Variants in CNKSR3 observed in about 807,000 individuals in gnomAD.
The protein encoded by CNKSR3 is connector enhancer of kinase suppressor of ras 3.
CNKSR3 carries 36 observed loss-of-function variants against 67.7 expected under a neutral mutation model. The ratio of observed to expected loss-of-function variants is 0.53; its 90% CI spans 0.41 to 0.70. CNKSR3 has a LOEUF of 0.70. CNKSR3 is among the 30% of genes least tolerant of loss of function. The pLI, the probability that CNKSR3 is intolerant of heterozygous loss-of-function variation, is 0.00. For synonymous variants in CNKSR3, 281 were observed against 271.4 expected, an observed-to-expected ratio of 1.04 and a Z score of -0.35; for missense variants, 630 against 695.2, an observed-to-expected ratio of 0.91 and a Z score of 1.05.
At chr6:154,498,741 C>T (rs1786925920) in intron 1 of CNKSR3, among the ~76,000 whole-genome samples, 1 of 151,596 alleles carries the variant, frequency 6.6e-6, no homozygotes, top group Non-Finnish European at 1.5e-5. Flanking sequence ...GGTTCAAATT[C>T]CATCTACACT....
chr6:154,456,656 G>A (rs1469866631), intron 1 of CNKSR3, among the ~76,000 whole-genome samples: 2 of 131,712 alleles, frequency 1.5e-5, no homozygotes, highest in East Asian at 2.4e-4. Context: ...GCAGTGAGCT[G>A]AGAACATGCC....
intron 12 of CNKSR3, among the ~76,000 whole-genome samples, chr6:154,408,614 C>T (rs972059563): frequency 6.6e-6 from 1 of 152,160 alleles, no homozygotes; most frequent in African/African-American, 2.4e-5. Context: ...GAGTGCCTGT[C>T]AGGGGCTGAA....
intron 1 of CNKSR3, among the ~76,000 whole-genome samples, chr6:154,491,983 A>T (rs1322389866): frequency 6.6e-6 from 1 of 152,112 alleles, no homozygotes; most frequent in East Asian, 1.9e-4. Flanking sequence ...TAGGACATCG[A>T]TTCCTCTCCT....
chr6:154,488,526 C>T (rs1786722879), intron 1 of CNKSR3, among the ~76,000 whole-genome samples: 1 of 151,916 alleles, frequency 6.6e-6, no homozygotes, highest in Non-Finnish European at 1.5e-5. Flanking sequence ...TCTGAAAATA[C>T]GAAAAAGATA....
Position 154,405,854 on chromosome 6 carries a change from G to A in CNKSR3, c.*500C>T, listed in dbSNP as rs2275336. ...GAAATCAGATACTTGCCACGTTATT[G>A]CAAAGTCAAAGCTGCTACACTTAAA... is the stretch of plus-strand genomic sequence containing the variant. On this transcript the variant is annotated 3_prime_UTR_variant, in exon 13 of 13. Transcript: ENST00000607772. 0.064 allele frequency: 10,069 copies of A among 158,004 alleles called. 576 individuals carry two copies. Among genetic ancestry groups the A allele is most frequent in the Admixed American group, 0.2 (3,263 of 16,514 alleles). 9.8% of individuals were successfully genotyped at this position (158,004 alleles called of 1,614,324 possible).
At chr6:154,427,679 T>C (rs1785283006) in intron 7 of CNKSR3, among the ~76,000 whole-genome samples, 2 of 152,126 alleles carry the variant, frequency 1.3e-5, no homozygotes, top group African/African-American at 2.4e-5. Flanking sequence ...ATGCCAAATA[T>C]TATGAAACAC....
chr6:154,406,715 A>T, intron 12 of CNKSR3, 63 bp from the exon 13 acceptor site: 1 of 1,447,380 alleles, frequency 6.9e-7, no homozygotes, highest in East Asian at 2.5e-5. Context: ...CACACCTGTA[A>T]TCTCCGCACT....
intron 1 of CNKSR3, among the ~76,000 whole-genome samples, chr6:154,482,181 G>A (rs536720428): frequency 1.3e-3 from 199 of 152,286 alleles, no homozygotes; most frequent in Non-Finnish European, 6.8e-4. Context: ...TTCTCCCTAT[G>A]CCTAAGGGAT....
rs1562360183 is a variant in CNKSR3, at chr6:154,501,850, C to T, written c.52+8213G>A. Among the ~76,000 whole-genome samples, 10 of 152,182 alleles carry T rather than the reference C, an allele frequency of 6.6e-5. No homozygotes were observed. The South Asian group carries it at 1.7e-3, about 25-fold the overall frequency. On this transcript the variant is annotated intron_variant, in intron 1 of 12. Coordinates refer to ENST00000607772, the MANE Select transcript of CNKSR3 (RefSeq NM_173515.4). The stretch of plus-strand genomic sequence containing the variant: ...CAGCACTTAGAACAATACCTAAAAC[C>T]GAGAAGATTCCCCTAAGAACAGGGG...
chr6:154,447,927 T>C lies in CNKSR3; in HGVS notation c.216+2168A>G, dbSNP rs72995459. On this transcript the variant is annotated intron_variant, in intron 2 of 12. Transcript: ENST00000607772. The stretch of plus-strand genomic sequence containing the variant: ...AGTATAATTAGTATATGAATTATAA[T>C]AAGAATATTCAAAAAGGAGATTATA... Among the ~76,000 whole-genome samples, 450 of 152,262 alleles carry C rather than the reference T, an allele frequency of 3.0e-3. 2 individuals carry two copies. The highest frequency in any genetic ancestry group is 5.0e-3 in the Non-Finnish European group (339 of 68,024).
chr6:154,450,039 A>C, intron 2 of CNKSR3, 56 bp downstream of exon 2: 1 of 1,516,500 alleles, frequency 6.6e-7, no homozygotes, highest in South Asian at 1.2e-5. Flanking sequence ...ACGGCTTAAG[A>C]GAGCAAGGCT....
chr6:154,465,005 G>T (rs1159144320), intron 1 of CNKSR3, among the ~76,000 whole-genome samples: 1 of 149,432 alleles, frequency 6.7e-6, no homozygotes, highest in Non-Finnish European at 1.5e-5. Flanking sequence ...GCCGAGTATG[G>T]TGGCAGGCAC....
At chr6:154,443,322 C>T (rs1039056718) in intron 2 of CNKSR3, among the ~76,000 whole-genome samples, 2 of 152,128 alleles carry the variant, frequency 1.3e-5, no homozygotes, top group African/African-American at 2.4e-5. Flanking sequence ...GGCCAGATAA[C>T]GCTTGTGGGG....
chr6:154,422,194 G>A (rs1043636480), intron 9 of CNKSR3, among the ~76,000 whole-genome samples: 7 of 151,798 alleles, frequency 4.6e-5, no homozygotes, highest in Admixed American at 6.6e-5. Flanking sequence ...GGGTTTCACC[G>A]TGTTAGCCAG....
intron 9 of CNKSR3, among the ~76,000 whole-genome samples, chr6:154,421,725 CG>C (rs1215554270): frequency 6.6e-6 from 1 of 152,138 alleles, no homozygotes; most frequent in Admixed American, 6.6e-5. Flanking sequence ...CTGCACTCAC[CG>C]CCCCCAACCC....
chr6:154,465,708 G>C, intron 1 of CNKSR3, among the ~76,000 whole-genome samples: 1 of 152,160 alleles, frequency 6.6e-6, no homozygotes. Context: ...AGCTAACTTA[G>C]CTTACTGTCT....
At chr6:154,474,114 A>T (rs1390114994) in intron 1 of CNKSR3, among the ~76,000 whole-genome samples, 1 of 43,228 alleles carries the variant, frequency 2.3e-5, no homozygotes, top group African/African-American at 3.6e-4. Flanking sequence ...TGGGGTTATA[A>T]AAAAAAAAAA....
intron 1 of CNKSR3, among the ~76,000 whole-genome samples, chr6:154,456,707 C>CAAAA (rs10536163): frequency 6.6e-5 from 3 of 45,392 alleles, no homozygotes; most frequent in Non-Finnish European, 1.2e-4. Flanking sequence ...AACTCTGTCT[C>CAAAA]AAAAAAAAAA....
At chr6:154,453,332 A>G (rs1274293362) in intron 1 of CNKSR3, among the ~76,000 whole-genome samples, 1 of 152,156 alleles carries the variant, frequency 6.6e-6, no homozygotes, top group Non-Finnish European at 1.5e-5. Flanking sequence ...GAGCACTGAA[A>G]AGGCTGAGAT....
Sources: gnomAD v4.1 joint callset for allele counts (sites outside exome capture counted in the v4.1 genomes callset) on GRCh38, gnomAD v4.1.1 for gene constraint, MANE v1.5 for transcripts, NCBI Gene and HGNC (gene_info 2026-07-23, HGNC 2026-07-21) for gene names.